FERMT2: variants seen among roughly 807,000 people sequenced by gnomAD.
FERMT2 encodes FERM domain containing kindlin 2.
Under a neutral mutation model 82.7 loss-of-function variants are expected in FERMT2, and 15 were observed. The observed-to-expected ratio is 0.18, with a 90% CI of 0.12 to 0.28. The LOEUF (loss-of-function observed/expected upper bound fraction) is 0.28, where lower values mean the gene tolerates loss of function less well. Among genes scored for constraint, FERMT2 ranks in the 10% least tolerant of loss-of-function variants. The pLI is 1.00. For missense variants in FERMT2, 645 were observed against 809.4 expected, an observed-to-expected ratio of 0.80 and a Z score of 2.46; for synonymous variants, 274 against 271.5, an observed-to-expected ratio of 1.01 and a Z score of -0.09.
intron 6 of FERMT2, 124 bp downstream of exon 6, chr14:52,880,912 A>G: frequency 3.4e-6 from 2 of 594,440 alleles, no homozygotes; most frequent in Non-Finnish European, 5.6e-6. Context: ...TGGGTTTTTA[A>G]TAATTATTCA....
chr14:52,921,235 T>C (rs1381921777), intron 2 of FERMT2, among the ~76,000 whole-genome samples: 3 of 152,282 alleles, frequency 2.0e-5, no homozygotes, highest in Middle Eastern at 3.4e-3. Flanking sequence ...ATGCCACAGG[T>C]AGAAAAAGAC....
intron 12 of FERMT2, chr14:52,862,081 T>A (rs1344362304): frequency 6.6e-6 from 1 of 152,204 alleles, no homozygotes; most frequent in Non-Finnish European, 1.5e-5. Flanking sequence ...TTTTTTTTTC[T>A]GAGACAGAAT....
intron 3 of FERMT2, among the ~76,000 whole-genome samples, chr14:52,906,457 T>G (rs1888016927): frequency 6.6e-6 from 1 of 151,070 alleles, no homozygotes; most frequent in Non-Finnish European, 1.5e-5. Context: ...TCCAAGTAAT[T>G]TGGTGATCAG....
At chr14:52,927,213 TTA>T (rs2139662821) in intron 2 of FERMT2, among the ~76,000 whole-genome samples, 1 of 152,228 alleles carries the variant, frequency 6.6e-6, no homozygotes, top group South Asian at 2.1e-4. Flanking sequence ...TAAATATTGC[TTA>T]GTCTACCAAA....
Position 52,950,518 on chromosome 14 carries a change from C to A in FERMT2, c.51G>T (p.Thr17=), listed in dbSNP as rs751123308. The change falls in exon 2 of 15, where the codon ACG becomes ACT. Residue 17 remains threonine, a synonymous_variant. Transcript: ENST00000341590. ...RMPDGCYADG[T]WELSVHVTDL... ...CCGTCACATGGACACTCAGTTCCCA[C>A]GTCCCGTCCGCGTAGCAGCCATCTG... 2.5e-6 allele frequency: 4 copies of A among 1,614,162 alleles called. No homozygotes were observed. Among genetic ancestry groups the A allele is most frequent in the South Asian group, 1.1e-5 (1 of 91,086 alleles).
At chr14:52,877,491 C>T (rs1270696681) in intron 7 of FERMT2, among the ~76,000 whole-genome samples, 1 of 151,000 alleles carries the variant, frequency 6.6e-6, no homozygotes, top group Non-Finnish European at 1.5e-5. Context: ...ATCCATCTGT[C>T]ACCTGGGATT....
At position 52,858,331 on chromosome 14, in the gene FERMT2, T is replaced by G; in HGVS notation, c.*46A>C. On this transcript the variant is annotated 3_prime_UTR_variant, in exon 15 of 15. Coordinates refer to ENST00000341590, the MANE Select transcript of FERMT2 (RefSeq NM_006832.3). Reference sequence around the variant, plus strand: ...AGCATATAACAAACAGCTTTTAAAGTTAAATATTGTTATGGCCGTGGAGTT... The same window carrying G: ...AGCATATAACAAACAGCTTTTAAAGGTAAATATTGTTATGGCCGTGGAGTT... 6.6e-7 allele frequency: 1 copy of G among 1,521,968 alleles called. No homozygotes were observed. Among genetic ancestry groups the G allele is most frequent in the Non-Finnish European group, 9.1e-7 (1 of 1,100,958 alleles). The allele number at this position is 1,521,968 out of a possible 1,614,324, so 94.3% of individuals were successfully genotyped here.
At chr14:52,917,296 A>G (rs202198146) in intron 3 of FERMT2, among the ~76,000 whole-genome samples, 29 of 144,954 alleles carry the variant, frequency 2.0e-4, no homozygotes, top group East Asian at 1.5e-3. Flanking sequence ...GTGTGTGTGT[A>G]TGTGTGTGTC....
chr14:52,904,132 G>A (rs982169147), intron 3 of FERMT2, among the ~76,000 whole-genome samples: 1 of 152,152 alleles, frequency 6.6e-6, no homozygotes. Context: ...TGTAATCCCA[G>A]CACTTTGGGA....
chr14:52,900,602 T>C lies in FERMT2; in HGVS notation c.392-7175A>G, dbSNP rs552785257. Among the ~76,000 whole-genome samples the C allele has an allele frequency of 6.6e-5, 10 of 152,242 alleles. 1 individual carries two copies. In the South Asian group the frequency reaches 2.1e-3, roughly 32 times the overall value. On this transcript the variant is annotated intron_variant, in intron 3 of 14. Transcript: ENST00000341590. ...AAAGTTTTGGGAAGCAGAAGTCAGA[T>C]GGAACAGTAACTTTGTAAACTGGAG...
At chr14:52,922,344 G>A (rs185545791) in intron 2 of FERMT2, among the ~76,000 whole-genome samples, 54 of 152,310 alleles carry the variant, frequency 3.5e-4, no homozygotes, top group African/African-American at 1.3e-3. Context: ...GGCAGAGCAA[G>A]CTCAGAGATC....
intron 3 of FERMT2, among the ~76,000 whole-genome samples, chr14:52,895,014 A>C (rs1887179332): frequency 6.6e-6 from 1 of 152,174 alleles, no homozygotes; most frequent in South Asian, 2.1e-4. Context: ...TGTATTCTGA[A>C]TATAAAAAGA....
chr14:52,863,603 A>T (rs1885088549), intron 12 of FERMT2: 1 of 152,214 alleles, frequency 6.6e-6, no homozygotes, highest in Non-Finnish European at 1.5e-5. Flanking sequence ...CAAAGAAAAG[A>T]ATTCTAAACA....
At chr14:52,936,565 C>T (rs1595018456) in intron 2 of FERMT2, among the ~76,000 whole-genome samples, 1 of 152,098 alleles carries the variant, frequency 6.6e-6, no homozygotes, top group East Asian at 1.9e-4. Context: ...TAGGATTGCT[C>T]CCCCATCATC....
At chr14:52,944,659 T>G (rs2139707521) in intron 2 of FERMT2, among the ~76,000 whole-genome samples, 1 of 152,340 alleles carries the variant, frequency 6.6e-6, no homozygotes, top group Middle Eastern at 3.4e-3. Flanking sequence ...TCCACTTCTG[T>G]GAGATGCAAT....
intron 2 of FERMT2, among the ~76,000 whole-genome samples, chr14:52,936,708 T>G (rs1889852177): frequency 6.6e-6 from 1 of 152,178 alleles, no homozygotes; most frequent in South Asian, 2.1e-4. Context: ...ATTTTTTGCC[T>G]GGCTAATTCC....
chr14:52,876,241 T>C (rs181279009), intron 7 of FERMT2, among the ~76,000 whole-genome samples: 129 of 152,330 alleles, frequency 8.5e-4, no homozygotes, highest in Admixed American at 2.2e-3. Flanking sequence ...GATTTAGTGA[T>C]TGATTGGTAA....
At chr14:52,862,039 A>G (rs1328145420) in intron 12 of FERMT2, 2 of 152,172 alleles carry the variant, frequency 1.3e-5, no homozygotes, top group East Asian at 1.9e-4. Flanking sequence ...CACCAGGGCA[A>G]TAACATCATG....
intron 10 of FERMT2, among the ~76,000 whole-genome samples, chr14:52,865,686 A>C (rs1008172049): frequency 3.9e-5 from 6 of 152,206 alleles, no homozygotes; most frequent in Non-Finnish European, 5.9e-5. Flanking sequence ...CTACGAAGAA[A>C]ATTTTAAATT....
Sources: allele counts gnomAD v4.1 joint callset (sites outside exome capture counted in the v4.1 genomes callset), GRCh38; gene constraint gnomAD v4.1.1; transcripts MANE v1.5; gene names NCBI Gene and HGNC (gene_info 2026-07-23, HGNC 2026-07-21).